Variants in ANKRD28 observed in about 807,000 individuals in gnomAD.
ANKRD28 encodes serine/threonine-protein phosphatase 6 regulatory ankyrin repeat subunit A.
A neutral mutation model predicts 126.5 loss-of-function variants in ANKRD28; 44 were observed. That is an observed-to-expected ratio of 0.35 (90% CI 0.27 to 0.45). The LOEUF (loss-of-function observed/expected upper bound fraction) is 0.45, where lower values mean the gene tolerates loss of function less well. Among genes scored for constraint, ANKRD28 ranks in the 20% least tolerant of loss-of-function variants. ANKRD28 has a pLI of 1.00. For missense variants in ANKRD28, 1,110 were observed against 1,316.6 expected, an observed-to-expected ratio of 0.84 and a Z score of 2.43; for synonymous variants, 442 against 468.5, an observed-to-expected ratio of 0.94 and a Z score of 0.73.
chr3:15,774,196 AT>A, intron 2 of ANKRD28, among the ~76,000 whole-genome samples: 1 of 152,294 alleles, frequency 6.6e-6, no homozygotes, highest in East Asian at 1.9e-4. Flanking sequence ...AACTTAGAAA[AT>A]TGTGGGTTGT....
rs2061472084 is a variant in ANKRD28, at chr3:15,843,698, A to T, written c.27+15679T>A. Among the ~76,000 whole-genome samples the T allele has an allele frequency of 6.6e-6, 1 of 152,162 alleles. No homozygotes were observed. Among genetic ancestry groups the T allele is most frequent in the South Asian group, 2.1e-4 (1 of 4,826 alleles). Reference sequence around the variant, plus strand: ...GGTAAAAAAAATGAATACAAATAAGAGATAAACAATACATCTAAATTTCAG... The same window carrying T: ...GGTAAAAAAAATGAATACAAATAAGTGATAAACAATACATCTAAATTTCAG... On this transcript the variant is annotated intron_variant, in intron 1 of 27. Transcript: ENST00000399451. This position sits in a 1 kb window ranked among gnomAD's most constrained non-coding sequence, Gnocchi z 5.2.
At chr3:15,831,392 C>A (rs1020077936) in intron 1 of ANKRD28, among the ~76,000 whole-genome samples, 3 of 152,192 alleles carry the variant, frequency 2.0e-5, no homozygotes, top group Non-Finnish European at 2.9e-5. Flanking sequence ...CTCCAAGCAG[C>A]TTGTTTTAGA....
At chr3:15,697,204 G>A (rs935647574) in intron 14 of ANKRD28, 3 of 152,234 alleles carry the variant, frequency 2.0e-5, no homozygotes, top group East Asian at 1.9e-4. Flanking sequence ...AACGAATATC[G>A]TATGTTCTCG....
In ANKRD28 at chr3:15,838,477, A is replaced by G. The variant is rs929994130; in HGVS notation, c.27+20900T>C. On this transcript the variant is annotated intron_variant, in intron 1 of 27. Transcript: ENST00000399451. The surrounding 1 kb of genome is among the most constrained non-coding windows in gnomAD (Gnocchi z 4.0). The stretch of plus-strand genomic sequence containing the variant: ...TTGTGGCCAGGCATGGTGGGCTCAC[A>G]CCTATAATCCCAGCACTTTGGGAGG... Among the ~76,000 whole-genome samples, 3 of 152,128 alleles carry G rather than the reference A, an allele frequency of 2.0e-5. No individual in the cohort carries two copies. Among genetic ancestry groups the G allele is most frequent in the African/African-American group, 7.2e-5 (3 of 41,438 alleles).
upstream of ANKRD28, among the ~76,000 whole-genome samples, chr3:15,801,999 A>G (rs1419427945): frequency 6.6e-6 from 1 of 152,198 alleles, no homozygotes; most frequent in African/African-American, 2.4e-5. The surrounding 1 kb of genome is among the most constrained non-coding windows in gnomAD (Gnocchi z 4.9). Flanking sequence ...GATTGTTAGC[A>G]CATTCTAATA....
At chr3:15,708,629 A>G (rs2071797392) in intron 13 of ANKRD28, among the ~76,000 whole-genome samples, 1 of 152,240 alleles carries the variant, frequency 6.6e-6, no homozygotes, top group African/African-American at 2.4e-5. Flanking sequence ...GGATTAAAGT[A>G]TAATTATAAA....
At chr3:15,741,028 G>A (rs755552474) in intron 4 of ANKRD28, among the ~76,000 whole-genome samples, 4 of 152,002 alleles carry the variant, frequency 2.6e-5, no homozygotes, top group African/African-American at 7.3e-5. Context: ...GTGAAACCCC[G>A]TCTCTACTAA....
Position 15,815,903 on chromosome 3 carries a change from C to T in ANKRD28, c.28-20597G>A, listed in dbSNP as rs1434817694. On this transcript the variant is annotated intron_variant, in intron 1 of 27. Coordinates refer to the ANKRD28 transcript ENST00000399451. This position sits in a 1 kb window ranked among gnomAD's most constrained non-coding sequence, Gnocchi z 4.1. ...GTCTGCCATATGGTGGCAGCAAATACCAAAGAAAATTAATTTCTTGAGTAC... is the reference window on the plus strand; with the variant it reads ...GTCTGCCATATGGTGGCAGCAAATATCAAAGAAAATTAATTTCTTGAGTAC... Among the ~76,000 whole-genome samples the T allele has an allele frequency of 6.6e-6, 1 of 152,036 alleles. No individual in the cohort carries two copies. Among genetic ancestry groups the T allele is most frequent in the Non-Finnish European group, 1.5e-5 (1 of 68,014 alleles).
chr3:15,670,273 G>A lies in ANKRD28; in HGVS notation c.3249C>T (p.Tyr1083=), dbSNP rs186720268. The change falls in exon 28 of 28, where the codon TAC becomes TAT. Residue 1083 remains tyrosine (Y), a synonymous_variant. Transcript: ENST00000683139. ...DELNDSDSET[Y] is the part of the protein sequence containing the mutation. ...GAACTCCCTCCTCCTCAGCCTCTCA[G>A]TAGGTCTCAGAATCGGAGTCGTTGA... 1.8e-5 allele frequency: 29 copies of A among 1,612,678 alleles called. No homozygotes were observed. In the African/African-American group the frequency reaches 3.9e-4, roughly 21 times the overall value.
At chr3:15,710,030 T>C (rs1464860204) in intron 12 of ANKRD28, among the ~76,000 whole-genome samples, 1 of 95,408 alleles carries the variant, frequency 1.0e-5, no homozygotes, top group Non-Finnish European at 2.0e-5. Context: ...AACAACTTGC[T>C]TATAGGTTTT....
At position 15,718,149 on chromosome 3, in the gene ANKRD28, A is replaced by G. The variant is rs374057373; in HGVS notation, c.996+2766T>C. ...ATATTCTTGCTGGATGAAAACTCACAGCTATCAACATATTGTGTGTAAGAG... is the reference window on the plus strand; with the variant it reads ...ATATTCTTGCTGGATGAAAACTCACGGCTATCAACATATTGTGTGTAAGAG... On this transcript the variant is annotated intron_variant, in intron 8 of 27. Coordinates refer to ENST00000683139, the MANE Select transcript of ANKRD28 (RefSeq NM_001349278.2). Among the ~76,000 whole-genome samples the G allele has an allele frequency of 9.4e-4, 143 of 152,334 alleles. No homozygotes were observed. In the South Asian group the frequency reaches 0.028, roughly 30 times the overall value.
At position 15,670,437 on chromosome 3, in the gene ANKRD28, C is replaced by T. The variant is rs751512636; in HGVS notation, c.3085G>A (p.Ala1029Thr). Residue 1029 changes from alanine (A) to threonine (T), a missense_variant, in exon 28 of 28, where the codon GCC becomes ACC. Ala to Thr is a moderately conservative substitution (Grantham distance 58, BLOSUM62 0). Coordinates refer to ENST00000683139, the MANE Select transcript of ANKRD28 (RefSeq NM_001349278.2). Reference protein sequence around the residue: ...SSPLSSLTFNAINRYTNTSKT... With the variant: ...SSPLSSLTFNTINRYTNTSKT... ...GAGGTGTTGGTATAACGGTTAATGG[C>T]ATTGAATGTTAAGGATGATAAAGGA... 18 of 1,613,912 alleles carry T rather than the reference C, an allele frequency of 1.1e-5. No individual in the cohort carries two copies. Among genetic ancestry groups the T allele is most frequent in the Non-Finnish European group, 1.5e-5 (18 of 1,179,876 alleles).
At chr3:15,794,461 C>A (rs186146227) in intron 2 of ANKRD28, among the ~76,000 whole-genome samples, 4 of 152,062 alleles carry the variant, frequency 2.6e-5, no homozygotes, top group Non-Finnish European at 5.9e-5. Flanking sequence ...CTTTTCACCC[C>A]CTCCATAACT....
chr3:15,675,962 C>T lies in ANKRD28; in HGVS notation c.2901G>A (p.Gly967=). The T allele has an allele frequency of 6.2e-7, 1 of 1,612,928 alleles. No individual in the cohort carries two copies. The highest frequency in any genetic ancestry group is 2.2e-5 in the East Asian group (1 of 44,852). ...AAAGTTCCTGAACCACCATTGTTAG[C>T]CCATTTCGGGCAGCAACATGCAGAG... ...QTPLHVAARN[G]LTMVVQELLG... Residue 967 remains glycine, a synonymous_variant, in exon 27 of 28, where the codon GGG becomes GGA. Coordinates refer to ENST00000683139, the MANE Select transcript of ANKRD28 (RefSeq NM_001349278.2).
chr3:15,699,166 G>A (rs564529937), intron 14 of ANKRD28, among the ~76,000 whole-genome samples: 2 of 152,284 alleles, frequency 1.3e-5, no homozygotes, highest in African/African-American at 4.8e-5. Context: ...AATAAATGGT[G>A]CTGGGAAAAC....
intron 21 of ANKRD28, among the ~76,000 whole-genome samples, chr3:15,682,062 G>A (rs2067603669): frequency 6.6e-6 from 1 of 151,960 alleles, no homozygotes. Flanking sequence ...GTGTGGCCTA[G>A]GGAACCCTGG....
intron 6 of ANKRD28, among the ~76,000 whole-genome samples, chr3:15,730,158 T>G (rs1313110885): frequency 6.6e-6 from 1 of 152,112 alleles, no homozygotes; most frequent in Non-Finnish European, 1.5e-5. Flanking sequence ...GCCCAGCCCA[T>G]GGTAAAAAAT....
chr3:15,774,589 AT>A (rs1186628483), intron 2 of ANKRD28, among the ~76,000 whole-genome samples: 1 of 152,194 alleles, frequency 6.6e-6, no homozygotes, highest in African/African-American at 2.4e-5. Flanking sequence ...AAAAGCACTC[AT>A]ATATGAATAT....
chr3:15,725,308 C>A (rs1402993163), intron 6 of ANKRD28, among the ~76,000 whole-genome samples: 1 of 152,090 alleles, frequency 6.6e-6, no homozygotes, highest in Non-Finnish European at 1.5e-5. Flanking sequence ...GAAACTAATA[C>A]CCTAAGGATA....
Sources: gnomAD v4.1 joint callset for allele counts (sites outside exome capture counted in the v4.1 genomes callset) on GRCh38, gnomAD v4.1.1 for gene constraint, Gnocchi (gnomAD v3.1) non-coding constraint, MANE v1.5 for transcripts, NCBI Gene and HGNC (gene_info 2026-07-23, HGNC 2026-07-21) for gene names.